The following CCDC74B variants were observed in gnomAD, a reference collection of about 807,000 sequenced individuals.
CCDC74B encodes coiled-coil domain-containing protein 74B.
In CCDC74B, 34 loss-of-function variants were observed where a neutral mutation model predicts 38.0. The ratio of observed to expected loss-of-function variants is 0.89; its 90% CI spans 0.68 to 1.19. The LOEUF (loss-of-function observed/expected upper bound fraction) is 1.19, where lower values mean the gene tolerates loss of function less well. CCDC74B is among the 50% of genes most tolerant of loss of function. The probability of loss-of-function intolerance (pLI) is 0.00; values close to 1 mark genes in which losing one functional copy is unlikely to be tolerated. For synonymous variants in CCDC74B, 132 were observed against 170.4 expected, an observed-to-expected ratio of 0.77 and a Z score of 1.76; for missense variants, 358 against 406.0, an observed-to-expected ratio of 0.88 and a Z score of 1.02.
chr2:130,140,292 C>T lies in CCDC74B; in HGVS notation c.565G>A (p.Ala189Thr). The T allele has an allele frequency of 6.2e-7, 1 of 1,613,070 alleles. No individual in the cohort carries two copies. Among genetic ancestry groups the T allele is most frequent in the Non-Finnish European group, 8.5e-7 (1 of 1,179,548 alleles). The change falls in exon 5 of 8, where the codon GCG becomes ACG. Residue 189 changes from alanine to threonine, a missense_variant. Ala to Thr is a moderately conservative substitution (Grantham distance 58). Around this residue, in one of 3 missense-constraint regions of CCDC74B, gnomAD observed 213 missense variants for 212.3 expected, o/e 1.00. Transcript: ENST00000409943. Reference sequence around the variant, plus strand: ...GGCAGGATCATTGGGGGGTGTGCCGCCGCCCCCATCTGCCTGCCCTGGTGC... The same window carrying T: ...GGCAGGATCATTGGGGGGTGTGCCGTCGCCCCCATCTGCCTGCCCTGGTGC... Reference protein sequence around the residue: ...SQHQGRQMGAAAHPPMILPLP... With the variant: ...SQHQGRQMGATAHPPMILPLP...
Position 130,139,399 on chromosome 2 carries a change from T to C in CCDC74B, c.*156A>G. 1.1e-6 allele frequency: 1 copy of C among 938,092 alleles called. No individual in the cohort carries two copies. Among genetic ancestry groups the C allele is most frequent in the Admixed American group, 2.9e-5 (1 of 34,262 alleles). The allele number at this position is 938,092 out of a possible 1,614,324, so 58.1% of individuals were successfully genotyped here. On this transcript the variant is annotated 3_prime_UTR_variant, in exon 8 of 8. Transcript: ENST00000409943. ...AAATAACAGCTAGAAAATAAACAGT[T>C]TGTCAGTTTGGAGATCAAGTACTTT... is the stretch of plus-strand genomic sequence containing the variant.
chr2:130,142,896 A>G (rs199968023), intron 2 of CCDC74B: 36 of 1,550,318 alleles, frequency 2.3e-5, no homozygotes, highest in Non-Finnish European at 2.9e-5. Context: ...TCAGAGCCAT[A>G]GGGCTGGAGA....
At chr2:130,140,774 C>T (rs1269676701) in intron 4 of CCDC74B, 7 of 309,412 alleles carry the variant, frequency 2.3e-5, no homozygotes, top group Admixed American at 1.5e-4. Context: ...TCACCAGAAC[C>T]TGTTCCTACT....
intron 3 of CCDC74B, chr2:130,141,815 G>T: frequency 1.9e-6 from 1 of 525,756 alleles, no homozygotes; most frequent in Non-Finnish European, 3.3e-6. Flanking sequence ...GGCCAAGCAG[G>T]GCTGCTGCTG....
At chr2:130,141,816 G>A in intron 3 of CCDC74B, 1 of 528,038 alleles carries the variant, frequency 1.9e-6, no homozygotes, top group Non-Finnish European at 3.3e-6. Context: ...GCCAAGCAGG[G>A]CTGCTGCTGG....
Position 130,139,644 on chromosome 2 carries a change from G to T in CCDC74B, c.856C>A (p.Leu286Met), listed in dbSNP as rs1247763659. The part of the protein sequence containing the change: ...PVAERAILPA[L>M]KQTPKNNFAE... Reference sequence around the variant, plus strand: ...AAGTTGTTCTTCGGGGTCTGCTTCAGTGCGGGCAGGATGGCACGCTCCGCC... The same window carrying T: ...AAGTTGTTCTTCGGGGTCTGCTTCATTGCGGGCAGGATGGCACGCTCCGCC... The change falls in exon 8 of 8, where the codon CTG becomes ATG. Residue 286 changes from leucine to methionine, a missense_variant. Leu to Met is a conservative substitution (Grantham distance 15). Coordinates refer to ENST00000409943, the MANE Select transcript of CCDC74B (RefSeq NM_001258307.2). The T allele has an allele frequency of 6.2e-7, 1 of 1,613,422 alleles. No individual in the cohort carries two copies. Among genetic ancestry groups the T allele is most frequent in the Middle Eastern group, 1.7e-4 (1 of 5,924 alleles).
In CCDC74B at chr2:130,142,445, C is replaced by T. The variant is rs768914826; in HGVS notation, c.296-262G>A. ...GTCCCGAGGGAGAGCATGGCCTCTT[C>T]CCGTGTCCTGTCAGCGTCCCCAGCA... On this transcript the variant is annotated intron_variant, in intron 2 of 7. Transcript: ENST00000409943. 8 of 1,613,194 alleles carry T rather than the reference C, an allele frequency of 5.0e-6. No individual in the cohort carries two copies. In the Admixed American group the frequency reaches 6.7e-5, roughly 13 times the overall value.
Position 130,139,957 on chromosome 2 carries a change from G to A in CCDC74B, c.753-10C>T, listed in dbSNP as rs1290766899. ...CGTGGCTTCTTGGTCCCTGGGTGAA[G>A]GAAGAGTCAGCAGTGAGCTGTGGAT... is the stretch of plus-strand genomic sequence containing the variant. On this transcript the variant is annotated splice_polypyrimidine_tract_variant and intron_variant, in intron 6 of 7. Coordinates refer to ENST00000409943, the MANE Select transcript of CCDC74B (RefSeq NM_001258307.2). 1 of 1,610,588 alleles carries A rather than the reference G, an allele frequency of 6.2e-7. No homozygotes were observed. Among genetic ancestry groups the A allele is most frequent in the Non-Finnish European group, 8.5e-7 (1 of 1,178,468 alleles).
In CCDC74B at chr2:130,145,054, G is replaced by A. The variant is rs1032669235; in HGVS notation, c.-58C>T. ...TGCACCCCGGCTCAGTGGCCAGGCC[G>A]CCCTAGCCTGGCGCCCCGTCACCAT... is the stretch of plus-strand genomic sequence containing the variant. On this transcript the variant is annotated 5_prime_UTR_variant, in exon 1 of 8. Transcript: ENST00000409943. 3.1e-5 allele frequency: 44 copies of A among 1,397,848 alleles called. No individual in the cohort carries two copies. Among genetic ancestry groups the A allele is most frequent in the Non-Finnish European group, 4.0e-5 (43 of 1,072,168 alleles). 86.6% of individuals were successfully genotyped at this position (1,397,848 alleles called of 1,614,324 possible). A position where few individuals can be genotyped will look rare whatever the true frequency, so the allele number is the denominator to read the frequency against.
intron 7 of CCDC74B, 75 bp from the exon 8 acceptor site, chr2:130,139,765 C>A: frequency 6.2e-7 from 1 of 1,606,680 alleles, no homozygotes. Context: ...GCCTGCATGG[C>A]CCTCACGGGG....
At chr2:130,142,306 C>T in intron 2 of CCDC74B, 123 bp from the exon 3 acceptor site, 1 of 1,610,354 alleles carries the variant, frequency 6.2e-7, no homozygotes. Context: ...CGGCTCTACC[C>T]ACACTCCGTT....
intron 1 of CCDC74B, chr2:130,144,529 G>A: frequency 1.3e-6 from 2 of 1,547,234 alleles, no homozygotes; most frequent in Non-Finnish European, 1.7e-6. Context: ...TGCTGCCCTA[G>A]GAGACAGGCA....
chr2:130,140,472 G>A, intron 4 of CCDC74B, 101 bp from the exon 5 acceptor site: 1 of 1,350,062 alleles, frequency 7.4e-7, no homozygotes, highest in Non-Finnish European at 1.0e-6. Flanking sequence ...ATGTGGGGAA[G>A]AGGGCCTGGT....
At chr2:130,144,263 C>T (rs1291213628) in intron 1 of CCDC74B, 1 of 396,976 alleles carries the variant, frequency 2.5e-6, no homozygotes, top group African/African-American at 2.1e-5. Flanking sequence ...CCTCAGCCTC[C>T]CGAGTAGCTG....
In CCDC74B at chr2:130,140,181, C is replaced by T; in HGVS notation, c.676G>A (p.Glu226Lys). 3.1e-6 allele frequency: 5 copies of T among 1,612,946 alleles called. No homozygotes were observed. Among genetic ancestry groups the T allele is most frequent in the Non-Finnish European group, 4.2e-6 (5 of 1,179,618 alleles). ...LWNTNLLQTQ[E>K]LQHLKSLLEG... ...ACCCCCACCACCCAGGGCCTCACCT[C>T]TTGGGTCTGCAGGAGGTTGGTATTC... is the stretch of plus-strand genomic sequence containing the variant. Residue 226 changes from glutamate to lysine, a missense_variant and splice_region_variant, in exon 5 of 8, where the codon GAG (glutamate) becomes AAG (lysine). This residue lies in a region of CCDC74B where 213 missense variants were observed against 212.3 expected (regional missense o/e 1.00). Transcript: ENST00000409943.
chr2:130,144,233 G>A (rs1262477063), intron 1 of CCDC74B: 3 of 371,334 alleles, frequency 8.1e-6, no homozygotes, highest in African/African-American at 2.1e-5. Flanking sequence ...TCCGCCTCCC[G>A]GGTTCACGCC....
rs1198458591 is a variant in CCDC74B, at chr2:130,142,149, C to T, written c.330G>A (p.Lys110=). 2 of 1,613,606 alleles carry T rather than the reference C, an allele frequency of 1.2e-6. No individual in the cohort carries two copies. The highest frequency in any genetic ancestry group is 1.7e-6 in the Non-Finnish European group (2 of 1,179,850). Residue 110 remains lysine (K), a synonymous_variant, in exon 3 of 8, where the codon AAG becomes AAA. Transcript: ENST00000409943. Reference sequence around the variant, plus strand: ...CCTGCTCACCTGAATTAGAGATGGACTTGACAGACTGGAAGCTTGACGTGG... The same window carrying T: ...CCTGCTCACCTGAATTAGAGATGGATTTGACAGACTGGAAGCTTGACGTGG... ...SLSTSSFQSV[K]SISNSGKARP...
At position 130,144,865 on chromosome 2, in the gene CCDC74B, G is replaced by C; in HGVS notation, c.132C>G (p.Ser44Arg). ...LRPQSPQLRQ[S>R]DPQKRNLDLE... ...GGTCCAGGTTCCGTTTCTGCGGGTC[G>C]CTCTGCCTGAGCTGCGGGCTCTGCG... Residue 44 changes from serine (S) to arginine (R), a missense_variant, in exon 1 of 8, where the codon AGC becomes AGG. By Grantham distance (110) the Ser-to-Arg change is moderately radical. This residue lies in a region of CCDC74B where 128 missense variants were observed against 146.7 expected (regional missense o/e 0.87). Coordinates refer to ENST00000409943, the MANE Select transcript of CCDC74B (RefSeq NM_001258307.2). The C allele has an allele frequency of 6.2e-7, 1 of 1,613,428 alleles. No individual in the cohort carries two copies. Among genetic ancestry groups the C allele is most frequent in the Non-Finnish European group, 8.5e-7 (1 of 1,179,778 alleles).
chr2:130,139,440 T>C lies in CCDC74B; in HGVS notation c.*115A>G, dbSNP rs1685436388. ...CAAGTACTTTATCTATCTTGAGTGT[T>C]ATCTATCTTGGAATTTAGCCAGGCC... On this transcript the variant is annotated 3_prime_UTR_variant, in exon 8 of 8. Transcript: ENST00000409943. The C allele has an allele frequency of 3.1e-6, 4 of 1,305,372 alleles. No individual in the cohort carries two copies. The highest frequency in any genetic ancestry group is 3.0e-5 in the African/African-American group (2 of 67,028). The allele number at this position is 1,305,372 out of a possible 1,614,324, so 80.9% of individuals were successfully genotyped here. A position where few individuals can be genotyped will look rare whatever the true frequency, so the allele number is the denominator to read the frequency against.
Sources: allele counts gnomAD v4.1 joint callset, GRCh38; gene constraint gnomAD v4.1.1; regional missense constraint gnomAD v4.1.1; transcripts MANE v1.5; gene names NCBI Gene and HGNC (gene_info 2026-07-23, HGNC 2026-07-21).